The following GCN1 variants were observed in gnomAD, a reference collection of about 807,000 sequenced individuals.
The protein encoded by GCN1 is stalled ribosome sensor GCN1.
A neutral mutation model predicts 288.4 loss-of-function variants in GCN1; 90 were observed. The observed-to-expected ratio is 0.31, with a 90% CI of 0.26 to 0.37. The LOEUF is 0.37. GCN1 is among the 10% of genes least tolerant of loss of function. The probability of loss-of-function intolerance (pLI) is 1.00; values close to 1 mark genes in which losing one functional copy is unlikely to be tolerated. For synonymous variants in GCN1, 1,386 were observed against 1,420.2 expected (o/e 0.98, Z 0.54); for missense variants, 2,586 against 3,419.9 (o/e 0.76, Z 6.08).
intron 47 of GCN1, 113 bp downstream of exon 47, chr12:120,138,210 C>T: frequency 2.2e-6 from 2 of 924,964 alleles, no homozygotes. Context: ...GCTTGCACTG[C>T]ACCCTCCTCC....
At chr12:120,172,677 T>C (rs1878348508) in intron 14 of GCN1, among the ~76,000 whole-genome samples, 1 of 152,104 alleles carries the variant, frequency 6.6e-6, no homozygotes, top group Non-Finnish European at 1.5e-5. Context: ...GCCTGGCTAA[T>C]TTTTGTATTT....
rs955604600 is a variant in GCN1 at position 120,134,135 on chromosome 12, G to C, written c.7317+156C>G. On this transcript the variant is annotated intron_variant, in intron 53 of 57. Transcript: ENST00000300648. The surrounding 1 kb of genome is among the most constrained non-coding windows in gnomAD (Gnocchi z 5.0). ...CTGCCCCGTTTCCCTTGAAACCCGA[G>C]GAAATGTTGGTGAAGCATACAGGGT... Among the ~76,000 whole-genome samples the C allele has an allele frequency of 2.0e-5, 3 of 152,122 alleles. No homozygotes were observed. Among genetic ancestry groups the C allele is most frequent in the Non-Finnish European group, 4.4e-5 (3 of 68,012 alleles).
chr12:120,154,223 G>C (rs1439590862), intron 31 of GCN1, among the ~76,000 whole-genome samples: 1 of 152,244 alleles, frequency 6.6e-6, no homozygotes, highest in East Asian at 1.9e-4. Context: ...AGAGAACACA[G>C]AGGTAAAAGA....
chr12:120,155,324 G>A lies in GCN1; in HGVS notation c.3547C>T (p.Leu1183Phe). ...TGGTAACGTGCCACTGCTTGGGAGA[G>A]GGCTTCGGCCCCTGCCTGCCTTACA... Reference protein sequence around the residue: ...AAVRQAGAEALSQAVARYQRQ... With the variant: ...AAVRQAGAEAFSQAVARYQRQ... The change falls in exon 30 of 58, where the codon CTC becomes TTC. Residue 1183 changes from leucine (L) to phenylalanine (F), a missense_variant. Around this residue, in one of 8 missense-constraint regions of GCN1, gnomAD observed 332 missense variants for 403.0 expected, o/e 0.82. Transcript: ENST00000300648. The surrounding 1 kb of genome is among the most constrained non-coding windows in gnomAD (Gnocchi z 4.9). 1 of 1,614,162 alleles carries A rather than the reference G, an allele frequency of 6.2e-7. No homozygotes were observed. The highest frequency in any genetic ancestry group is 8.5e-7 in the Non-Finnish European group (1 of 1,180,036).
Position 120,162,885 on chromosome 12 carries a change from T to C in GCN1, c.2125A>G (p.Ile709Val), listed in dbSNP as rs747051211. The C allele has an allele frequency of 1.2e-6, 2 of 1,614,166 alleles. No individual in the cohort carries two copies. The highest frequency in any genetic ancestry group is 1.7e-6 in the Non-Finnish European group (2 of 1,180,040). Reference protein sequence around the residue: ...EAFITRHLDQIIPRMTTQSPL... With the variant: ...EAFITRHLDQVIPRMTTQSPL... ...CTCTGTGTGGTCATCCTGGGAATGATCTGATCCAGGTGCCTGGTGATAAAG... is the reference window on the plus strand; with the variant it reads ...CTCTGTGTGGTCATCCTGGGAATGACCTGATCCAGGTGCCTGGTGATAAAG... Residue 709 changes from isoleucine to valine, a missense_variant, in exon 20 of 58, where the codon ATC becomes GTC. By Grantham distance (29) the Ile-to-Val change is conservative. Around this residue, in one of 8 missense-constraint regions of GCN1, gnomAD observed 913 missense variants for 1,107.0 expected, o/e 0.82. Transcript: ENST00000300648.
chr12:120,178,842 G>C lies in GCN1; in HGVS notation c.525+10C>G, dbSNP rs1878560884. ...GAAGCAATGCCCACCAGCCCCTGCA[G>C]TCCTGTCACCTCTTTCCACAGCTTC... is the stretch of plus-strand genomic sequence containing the variant. On this transcript the variant is annotated intron_variant, in intron 6 of 57. Transcript: ENST00000300648. The C allele has an allele frequency of 6.2e-7, 1 of 1,613,756 alleles. No homozygotes were observed.
chr12:120,130,710 A>G lies in GCN1; in HGVS notation c.7607T>C (p.Met2536Thr). ...VSGVRGMGFL[M>T]RHHIETGGGQ... ...TCCGCCTGTCTCGATGTGGTGTCTC[A>G]TGAGAAAGCCCATGCCCCGGACCCC... Residue 2536 changes from methionine (M) to threonine (T), a missense_variant, in exon 56 of 58, where the codon ATG (methionine) becomes ACG (threonine). Physicochemically the swap from Met to Thr is moderately conservative, Grantham distance 81. Coordinates refer to ENST00000300648, the MANE Select transcript of GCN1 (RefSeq NM_006836.2). The G allele has an allele frequency of 6.2e-7, 1 of 1,614,006 alleles. No individual in the cohort carries two copies. The highest frequency in any genetic ancestry group is 8.5e-7 in the Non-Finnish European group (1 of 1,179,964).
At chr12:120,182,243 T>C (rs1878689754) in intron 5 of GCN1, among the ~76,000 whole-genome samples, 1 of 151,520 alleles carries the variant, frequency 6.6e-6, no homozygotes, top group Non-Finnish European at 1.5e-5. Flanking sequence ...TTGGTAACAA[T>C]GACACCCATT....
At position 120,158,545 on chromosome 12, in the gene GCN1, C is replaced by T; in HGVS notation, c.2820G>A (p.Gln940=). Residue 940 remains glutamine, a synonymous_variant, in exon 25 of 58, where the codon CAG becomes CAA. Transcript: ENST00000300648. The surrounding 1 kb of genome is among the most constrained non-coding windows in gnomAD (Gnocchi z 4.3). The stretch of plus-strand genomic sequence containing the variant: ...TCTTCACAGCCACCGACAGCTCTTC[C>T]TGGCACCAGGACTTATCCAGGACAC... The part of the protein sequence containing the change: ...PECVLDKSWC[Q]EELSVAVKRA... The T allele has an allele frequency of 1.2e-6, 2 of 1,601,270 alleles. No individual in the cohort carries two copies. The highest frequency in any genetic ancestry group is 8.5e-7 in the Non-Finnish European group (1 of 1,173,854).
chr12:120,190,187 T>C (rs1878958055), intron 2 of GCN1, 111 bp downstream of exon 2: 1 of 637,730 alleles, frequency 1.6e-6, no homozygotes, highest in East Asian at 2.7e-5. Context: ...ATCGTGCCAT[T>C]GCACTTCAGC....
chr12:120,154,148 T>C (rs2269944), intron 31 of GCN1, among the ~76,000 whole-genome samples: 36,345 of 152,166 alleles, frequency 0.24, 5,603 homozygotes, highest in East Asian at 0.55. Context: ...ACCAGCCCTG[T>C]GTTGGTTTCC....
At chr12:120,140,466 C>G (rs967132996) in intron 45 of GCN1, among the ~76,000 whole-genome samples, 3 of 152,152 alleles carry the variant, frequency 2.0e-5, no homozygotes, top group Admixed American at 1.3e-4. Flanking sequence ...CACCCCCTCC[C>G]GCACCCTCCT....
In GCN1 at chr12:120,163,061, G is replaced by A. The variant is rs752802469; in HGVS notation, c.2038+9C>T. 6.2e-7 allele frequency: 1 copy of A among 1,613,734 alleles called. No individual in the cohort carries two copies. Among genetic ancestry groups the A allele is most frequent in the Non-Finnish European group, 8.5e-7 (1 of 1,179,592 alleles). Reference sequence around the variant, plus strand: ...TCTGGGCTCTCCCACACCCACCGCAGCCACGGACCTAAGGATGGGTGGTGG... The same window carrying A: ...TCTGGGCTCTCCCACACCCACCGCAACCACGGACCTAAGGATGGGTGGTGG... On this transcript the variant is annotated intron_variant, in intron 19 of 57. Coordinates refer to ENST00000300648, the MANE Select transcript of GCN1 (RefSeq NM_006836.2).
chr12:120,145,597 C>T (rs1877339035), intron 38 of GCN1, among the ~76,000 whole-genome samples: 4 of 152,196 alleles, frequency 2.6e-5, no homozygotes, highest in African/African-American at 7.2e-5. Context: ...TGCTCTTGCA[C>T]CTCCCACCCT....
chr12:120,146,167 T>C (rs2139096556), intron 38 of GCN1, among the ~76,000 whole-genome samples: 1 of 149,898 alleles, frequency 6.7e-6, no homozygotes, highest in East Asian at 2.0e-4. Context: ...CTCGGGAGGC[T>C]GAGGCAGGAG....
Position 120,175,851 on chromosome 12 carries a change from G to A in GCN1, c.937C>T (p.Arg313Cys), listed in dbSNP as rs750521946. 30 of 1,610,508 alleles carry A rather than the reference G, an allele frequency of 1.9e-5. No individual in the cohort carries two copies. Among genetic ancestry groups the A allele is most frequent in the Middle Eastern group, 1.6e-4 (1 of 6,070 alleles). ...GCCAGCACAGCTTCATCCATCAGGC[G>A]GGGACTGTTGGATTTCAGGTGACCT... The part of the protein sequence containing the change: ...LAGHLKSNSP[R>C]LMDEAVLALR... The change falls in exon 11 of 58, where the codon CGC becomes TGC. Residue 313 changes from arginine to cysteine, a missense_variant. Arg to Cys is a radical substitution (Grantham distance 180). Transcript: ENST00000300648.
intron 26 of GCN1, 88 bp downstream of exon 26, chr12:120,157,760 AG>A: frequency 9.6e-7 from 1 of 1,043,890 alleles, no homozygotes; most frequent in East Asian, 2.4e-5. Flanking sequence ...TTTCCCCACC[AG>A]GAACTGTTCA....
chr12:120,161,539 T>C lies in GCN1; in HGVS notation c.2387A>G (p.Asn796Ser). Residue 796 changes from asparagine to serine, a missense_variant, in exon 22 of 58, where the codon AAC (asparagine) becomes AGC (serine). By Grantham distance (46) the Asn-to-Ser change is conservative (BLOSUM62 1). Coordinates refer to ENST00000300648, the MANE Select transcript of GCN1 (RefSeq NM_006836.2). ...CTGCTCTTTGAAGGAATAAGCTTTG[T>C]TCTCTCGCTTCATGTTGGCCTTTTT... ...SIKKANMKRE[N>S]KAYSFKEQII... 1 of 1,614,032 alleles carries C rather than the reference T, an allele frequency of 6.2e-7. No individual in the cohort carries two copies. Among genetic ancestry groups the C allele is most frequent in the Non-Finnish European group, 8.5e-7 (1 of 1,179,898 alleles).
At position 120,156,987 on chromosome 12, in the gene GCN1, G is replaced by A; in HGVS notation, c.3093C>T (p.Gly1031=). ...TGGCCACGCGAGGCAGCAACTCCGG[G>A]CCATTCTAGGAGAGAACGGCAGGTA... ...NTPPGRVDEN[G]PELLPRVAML... is the part of the protein sequence containing the mutation. Residue 1031 remains glycine (G), a synonymous_variant, in exon 27 of 58, where the codon GGC becomes GGT. Transcript: ENST00000300648. This position sits in a 1 kb window ranked among gnomAD's most constrained non-coding sequence, Gnocchi z 5.8. The A allele has an allele frequency of 6.2e-7, 1 of 1,611,014 alleles. No individual in the cohort carries two copies. Among genetic ancestry groups the A allele is most frequent in the Middle Eastern group, 1.7e-4 (1 of 6,052 alleles).
Sources: allele counts gnomAD v4.1 joint callset (sites outside exome capture counted in the v4.1 genomes callset), GRCh38; gene constraint gnomAD v4.1.1; regional missense constraint gnomAD v4.1.1; non-coding constraint Gnocchi (gnomAD v3.1); transcripts MANE v1.5; gene names NCBI Gene and HGNC (gene_info 2026-07-23, HGNC 2026-07-21).